Variants in KIAA1217 observed in about 807,000 individuals in gnomAD.
KIAA1217 encodes KIAA1217.
A neutral mutation model predicts 163.9 loss-of-function variants in KIAA1217; 88 were observed. The ratio of observed to expected loss-of-function variants is 0.54; its 90% CI spans 0.45 to 0.64. The LOEUF is 0.64. Ranked by LOEUF, KIAA1217 falls within the 30% of genes least tolerant of loss-of-function variation. KIAA1217 has a pLI of 0.00. For synonymous variants in KIAA1217, 903 were observed against 923.1 expected, an observed-to-expected ratio of 0.98 and a Z score of 0.39; for missense variants, 2,372 against 2,475.0, an observed-to-expected ratio of 0.96 and a Z score of 0.88.
At chr10:23,791,669 G>A (rs12242122) in intron 1 of KIAA1217, among the ~76,000 whole-genome samples, 2,905 of 152,288 alleles carry the variant, frequency 0.019, 96 homozygotes, top group African/African-American at 0.066. Flanking sequence ...GTGCATTTGT[G>A]TTCATGTGGT....
intron 2 of KIAA1217, among the ~76,000 whole-genome samples, chr10:24,316,153 CAG>C (rs914984072): frequency 1.3e-5 from 2 of 152,180 alleles, no homozygotes; most frequent in African/African-American, 2.4e-5. Flanking sequence ...TCACCTGCTT[CAG>C]GTGCTGTGTG....
At chr10:24,387,979 C>T (rs561471779) in intron 3 of KIAA1217, among the ~76,000 whole-genome samples, 63 of 152,226 alleles carry the variant, frequency 4.1e-4, no homozygotes, top group African/African-American at 1.5e-3. Context: ...GCCATACTGC[C>T]CAAGGTAATT....
intron 2 of KIAA1217, among the ~76,000 whole-genome samples, chr10:24,285,596 C>A (rs1365606479): frequency 1.3e-5 from 2 of 152,124 alleles, no homozygotes; most frequent in Admixed American, 1.3e-4. Flanking sequence ...CAGCACCATG[C>A]TATTTTGGTT....
intron 2 of KIAA1217, among the ~76,000 whole-genome samples, chr10:24,329,041 CATAGTATATAAATAGTATAAATAT>C (rs1478842858): frequency 6.8e-6 from 1 of 147,442 alleles, no homozygotes; most frequent in Non-Finnish European, 1.5e-5. Flanking sequence ...ATACTATATA[CATAGTATATAAATAGTATAAATAT>C]ATAGTATATA....
intron 12 of KIAA1217, 106 bp downstream of exon 12, chr10:24,522,035 T>C: frequency 7.9e-7 from 1 of 1,262,148 alleles, no homozygotes; most frequent in Non-Finnish European, 1.1e-6. Flanking sequence ...CCAGGACACA[T>C]CCAGTGTCCT....
chr10:23,932,025 C>T (rs1421925887), intron 1 of KIAA1217, among the ~76,000 whole-genome samples: 1 of 152,090 alleles, frequency 6.6e-6, no homozygotes, highest in African/African-American at 2.4e-5. Flanking sequence ...CCAGAGCAGC[C>T]CGGCAGGGAG....
intron 1 of KIAA1217, among the ~76,000 whole-genome samples, chr10:23,843,030 C>T (rs188776800): frequency 3.3e-5 from 5 of 152,090 alleles, no homozygotes; most frequent in African/African-American, 1.2e-4. Context: ...AGGAAGACTT[C>T]CAGTATGTGA....
intron 2 of KIAA1217, among the ~76,000 whole-genome samples, chr10:24,010,343 C>T (rs376329592): frequency 6.6e-6 from 1 of 152,098 alleles, no homozygotes; most frequent in South Asian, 2.1e-4. Flanking sequence ...GATTGGAAAA[C>T]TACAATGCTC....
chr10:23,876,686 ATTC>A (rs2131177423), intron 1 of KIAA1217, among the ~76,000 whole-genome samples: 1 of 152,006 alleles, frequency 6.6e-6, no homozygotes, highest in South Asian at 2.1e-4. Context: ...TTTCTCATAA[ATTC>A]TTCTTTCTTG....
chr10:24,468,820 A>G (rs573784717), intron 5 of KIAA1217, among the ~76,000 whole-genome samples: 19 of 152,252 alleles, frequency 1.2e-4, no homozygotes, highest in African/African-American at 4.6e-4. Context: ...ATGTATCAGA[A>G]TTACTTTTAG....
chr10:24,430,089 T>C (rs2059475241), intron 3 of KIAA1217, among the ~76,000 whole-genome samples: 1 of 152,134 alleles, frequency 6.6e-6, no homozygotes, highest in Non-Finnish European at 1.5e-5. Flanking sequence ...GGGGCTGCAG[T>C]GAGCCCTGAT....
At chr10:24,163,609 A>G (rs374889474) in intron 2 of KIAA1217, among the ~76,000 whole-genome samples, 2 of 152,354 alleles carry the variant, frequency 1.3e-5, no homozygotes, top group East Asian at 3.9e-4. Flanking sequence ...AGTACGCCTC[A>G]CAATAACATA....
intron 2 of KIAA1217, among the ~76,000 whole-genome samples, chr10:24,361,785 C>A (rs1219698698): frequency 1.3e-5 from 2 of 151,882 alleles, no homozygotes; most frequent in Non-Finnish European, 2.9e-5. Flanking sequence ...ACCATCCGGG[C>A]TAACATGGTG....
intron 1 of KIAA1217, among the ~76,000 whole-genome samples, chr10:23,715,684 G>T (rs935465470): frequency 2.0e-5 from 3 of 152,074 alleles, no homozygotes; most frequent in African/African-American, 7.2e-5. Flanking sequence ...GTGTTAAAAT[G>T]ATAGATTTGT....
chr10:23,976,746 T>G (rs1371237819), intron 1 of KIAA1217, among the ~76,000 whole-genome samples: 1 of 152,212 alleles, frequency 6.6e-6, no homozygotes, highest in Non-Finnish European at 1.5e-5. Context: ...CAATATCTGC[T>G]GATAGGCAGG....
chr10:23,986,294 AT>A (rs961908837), intron 1 of KIAA1217, among the ~76,000 whole-genome samples: 1 of 152,152 alleles, frequency 6.6e-6, no homozygotes, highest in Non-Finnish European at 1.5e-5. Flanking sequence ...ACTTCATCCA[AT>A]TTGCAATTTT....
At chr10:24,358,131 A>G (rs550911826) in intron 2 of KIAA1217, among the ~76,000 whole-genome samples, 2 of 152,282 alleles carry the variant, frequency 1.3e-5, no homozygotes, top group South Asian at 4.2e-4. Context: ...GTGGATGAAG[A>G]TATTCATGCC....
chr10:23,999,343 G>A (rs1301796226), intron 1 of KIAA1217, among the ~76,000 whole-genome samples: 1 of 152,156 alleles, frequency 6.6e-6, no homozygotes, highest in Non-Finnish European at 1.5e-5. Context: ...AGTAGCTGGA[G>A]GCAGTGTTGG....
intron 2 of KIAA1217, among the ~76,000 whole-genome samples, chr10:24,305,579 C>T (rs570938400): frequency 1.3e-4 from 20 of 152,296 alleles, no homozygotes; most frequent in African/African-American, 4.6e-4. Context: ...GTTATCTTGG[C>T]TTATGTGTGG....
Sources: gnomAD v4.1 joint callset for allele counts (sites outside exome capture counted in the v4.1 genomes callset) on GRCh38, gnomAD v4.1.1 for gene constraint, MANE v1.5 for transcripts, NCBI Gene and HGNC (gene_info 2026-07-23, HGNC 2026-07-21) for gene names.